The following RUSF1 variants were observed in gnomAD, a reference collection of about 807,000 sequenced individuals.
RUSF1 encodes the protein RUS1 family protein C16orf58.
RUSF1 carries 58 observed loss-of-function variants against 63.0 expected under a neutral mutation model. That is an observed-to-expected ratio of 0.92 (90% CI 0.75 to 1.15). The LOEUF (loss-of-function observed/expected upper bound fraction) is 1.15, where lower values mean the gene tolerates loss of function less well. Ranked by LOEUF, RUSF1 falls within the 50% of genes most tolerant of loss-of-function variation. The probability of loss-of-function intolerance (pLI) is 0.00; values close to 1 mark genes in which losing one functional copy is unlikely to be tolerated. For synonymous variants in RUSF1, 274 were observed against 255.8 expected (o/e 1.07, Z -0.68); for missense variants, 652 against 611.0 (o/e 1.07, Z -0.71).
At chr16:31,494,435 G>A (rs966932825) in intron 6 of RUSF1, among the ~76,000 whole-genome samples, 1 of 152,052 alleles carries the variant, frequency 6.6e-6, no homozygotes, top group South Asian at 2.1e-4. Context: ...TGAACTGCTT[G>A]AGCCTGGGAG....
At chr16:31,503,319 A>G (rs1297617416) in intron 2 of RUSF1, among the ~76,000 whole-genome samples, 1 of 152,236 alleles carries the variant, frequency 6.6e-6, no homozygotes, top group African/African-American at 2.4e-5. Flanking sequence ...GTGACCTTGG[A>G]CAAGTTACTT....
intron 3 of RUSF1, 112 bp from the exon 4 acceptor site, chr16:31,499,637 A>C: frequency 2.0e-6 from 2 of 983,488 alleles, no homozygotes; most frequent in Non-Finnish European, 2.9e-6. Flanking sequence ...GAAAACCCAC[A>C]CCCCCAGACA....
In RUSF1 at chr16:31,489,486, G is replaced by T; in HGVS notation, c.*1349C>A. On this transcript the variant is annotated 3_prime_UTR_variant, in exon 13 of 13. Coordinates refer to ENST00000327237, the MANE Select transcript of RUSF1 (RefSeq NM_022744.4). ...AGCTGCAGTTGCAATTGCCGAGCAA[G>T]AATTTTTATTTAAATACATTTATTT... is the stretch of plus-strand genomic sequence containing the variant. 6 of 719,848 alleles carry T rather than the reference G, an allele frequency of 8.3e-6. No homozygotes were observed. Among genetic ancestry groups the T allele is most frequent in the Non-Finnish European group, 9.6e-6 (4 of 418,268 alleles). The allele number at this position is 719,848 out of a possible 1,614,324, so 44.6% of individuals were successfully genotyped here.
At chr16:31,506,504 G>A (rs761809370) in intron 2 of RUSF1, among the ~76,000 whole-genome samples, 16 of 152,188 alleles carry the variant, frequency 1.1e-4, no homozygotes, top group Non-Finnish European at 1.6e-4. Context: ...CCAACAAGCC[G>A]GGCGCAGTGG....
At chr16:31,507,902 G>A (rs2082669184) in intron 1 of RUSF1, 24 bp from the exon 2 acceptor site, 2 of 1,550,710 alleles carry the variant, frequency 1.3e-6, no homozygotes, top group African/African-American at 2.7e-5. Flanking sequence ...CAAGTAGGGT[G>A]AGAAGCGGGC....
At position 31,489,660 on chromosome 16, in the gene RUSF1, G is replaced by C; in HGVS notation, c.*1175C>G. 1 of 499,954 alleles carries C rather than the reference G, an allele frequency of 2.0e-6. No homozygotes were observed. 31.0% of individuals were successfully genotyped at this position (499,954 alleles called of 1,614,324 possible). A position where few individuals can be genotyped will look rare whatever the true frequency, so the allele number is the denominator to read the frequency against. ...AACGCCCACAAAAAGGTTTGGTTTTGTTGCCAAAGGGCAGGTGGCTCCAGG... is the reference window on the plus strand; with the variant it reads ...AACGCCCACAAAAAGGTTTGGTTTTCTTGCCAAAGGGCAGGTGGCTCCAGG... On this transcript the variant is annotated 3_prime_UTR_variant, in exon 13 of 13. Transcript: ENST00000327237.
In RUSF1 at chr16:31,492,964, T is replaced by C. The variant is rs762013179; in HGVS notation, c.1087+14A>G. ...GAGGGTGCGTCTTAGGCTGGGAGAATGAGGCACACTCACTTTGTGACTGGT... is the reference window on the plus strand; with the variant it reads ...GAGGGTGCGTCTTAGGCTGGGAGAACGAGGCACACTCACTTTGTGACTGGT... On this transcript the variant is annotated intron_variant, in intron 10 of 12. Transcript: ENST00000327237. 2 of 1,602,242 alleles carry C rather than the reference T, an allele frequency of 1.2e-6. No individual in the cohort carries two copies. Among genetic ancestry groups the C allele is most frequent in the South Asian group, 1.1e-5 (1 of 90,324 alleles).
chr16:31,499,416 G>A lies in RUSF1; in HGVS notation c.495-9C>T. 1 of 1,613,904 alleles carries A rather than the reference G, an allele frequency of 6.2e-7. No homozygotes were observed. The highest frequency in any genetic ancestry group is 8.5e-7 in the Non-Finnish European group (1 of 1,179,944). ...GGATGTCCGCAAAAAGCCTGGGGAG[G>A]GATCAGAGGTTAGAGGTCAGAGGTA... On this transcript the variant is annotated splice_polypyrimidine_tract_variant and intron_variant, in intron 4 of 12. Coordinates refer to ENST00000327237, the MANE Select transcript of RUSF1 (RefSeq NM_022744.4).
intron 5 of RUSF1, 29 bp from the exon 6 acceptor site, chr16:31,496,979 G>A (rs750988429): frequency 6.5e-7 from 1 of 1,546,252 alleles, no homozygotes; most frequent in South Asian, 1.2e-5. Context: ...GAGAAGGTTG[G>A]CAGAGACACG....
chr16:31,501,400 G>C (rs565062479), intron 2 of RUSF1, among the ~76,000 whole-genome samples: 1 of 152,206 alleles, frequency 6.6e-6, no homozygotes, highest in Non-Finnish European at 1.5e-5. Context: ...TTCAAGACCA[G>C]CCTGGGCAAC....
chr16:31,496,397 T>C (rs1317958005), intron 6 of RUSF1, among the ~76,000 whole-genome samples: 2 of 152,172 alleles, frequency 1.3e-5, no homozygotes, highest in Non-Finnish European at 2.9e-5. Flanking sequence ...TGTAGAGGTC[T>C]AATCCATGCG....
intron 6 of RUSF1, 47 bp downstream of exon 6, chr16:31,496,802 C>T: frequency 6.8e-7 from 1 of 1,470,784 alleles, no homozygotes; most frequent in Non-Finnish European, 9.1e-7. Flanking sequence ...GGCTTCTCTC[C>T]CCTTCCCCTC....
chr16:31,490,761 TC>T lies in RUSF1; in HGVS notation c.*73del. The T allele has an allele frequency of 6.6e-7, 1 of 1,526,240 alleles. No individual in the cohort carries two copies. Among genetic ancestry groups the T allele is most frequent in the Non-Finnish European group, 9.1e-7 (1 of 1,102,756 alleles). 94.5% of individuals were successfully genotyped at this position (1,526,240 alleles called of 1,614,324 possible). Reference sequence around the variant, plus strand: ...CCCTAAGGAAAAATAAAGCTGCCTTTCCCCTGTCCTGCTGTGGCCAAAGTGT... The same window carrying T: ...CCCTAAGGAAAAATAAAGCTGCCTTTCCCTGTCCTGCTGTGGCCAAAGTGT... On this transcript the variant is annotated 3_prime_UTR_variant, in exon 13 of 13. Coordinates refer to ENST00000327237, the MANE Select transcript of RUSF1 (RefSeq NM_022744.4).
At chr16:31,492,619 C>T (rs563323318) in intron 10 of RUSF1, among the ~76,000 whole-genome samples, 2 of 152,168 alleles carry the variant, frequency 1.3e-5, no homozygotes, top group Admixed American at 6.5e-5. Context: ...ACTCAACCAG[C>T]GGACCAGCAC....
chr16:31,497,214 C>A (rs1346386443), intron 5 of RUSF1, among the ~76,000 whole-genome samples: 3 of 152,020 alleles, frequency 2.0e-5, no homozygotes, highest in Non-Finnish European at 4.4e-5. Flanking sequence ...TCATTCTCAG[C>A]CCAGAACTCC....
At chr16:31,507,318 C>G (rs1336870720) in intron 2 of RUSF1, among the ~76,000 whole-genome samples, 1 of 152,226 alleles carries the variant, frequency 6.6e-6, no homozygotes, top group African/African-American at 2.4e-5. Context: ...ACAGCATCAT[C>G]TGGTATCCCA....
chr16:31,502,974 C>G (rs182854958), intron 2 of RUSF1, among the ~76,000 whole-genome samples: 6 of 152,358 alleles, frequency 3.9e-5, no homozygotes, highest in Admixed American at 3.3e-4. Context: ...TGTATCCACT[C>G]AGGTGTATGT....
chr16:31,500,470 A>C (rs1265684032), intron 3 of RUSF1, among the ~76,000 whole-genome samples: 2 of 152,240 alleles, frequency 1.3e-5, no homozygotes, highest in East Asian at 3.8e-4. Context: ...TGTAAGGATT[A>C]GAGACAACAT....
At chr16:31,507,938 T>G (rs1373111506) in intron 1 of RUSF1, 60 bp from the exon 2 acceptor site, 2 of 1,537,220 alleles carry the variant, frequency 1.3e-6, no homozygotes, top group Non-Finnish European at 1.8e-6. Context: ...TCTAAGTGCC[T>G]TCATCTGTTC....
Sources: gnomAD v4.1 joint callset for allele counts (sites outside exome capture counted in the v4.1 genomes callset) on GRCh38, gnomAD v4.1.1 for gene constraint, MANE v1.5 for transcripts, NCBI Gene and HGNC (gene_info 2026-07-23, HGNC 2026-07-21) for gene names.